Variants in CLEC2L observed in about 807,000 individuals in gnomAD.
CLEC2L encodes the protein C-type lectin domain family 2, member L.
Under a neutral mutation model 23.6 loss-of-function variants are expected in CLEC2L, and 14 were observed. The ratio of observed to expected loss-of-function variants is 0.59; its 90% CI spans 0.39 to 0.93. The LOEUF (loss-of-function observed/expected upper bound fraction) is 0.93, where lower values mean the gene tolerates loss of function less well. Among genes scored for constraint, CLEC2L ranks in the 40% least tolerant of loss-of-function variants. The pLI is 0.00. For synonymous variants in CLEC2L, 114 were observed against 121.3 expected (o/e 0.94, Z 0.40); for missense variants, 264 against 282.4 (o/e 0.93, Z 0.47).
At position 139,540,144 on chromosome 7, in the gene CLEC2L, TC is replaced by T. The variant is rs557671804; in HGVS notation, c.266-173del. On this transcript the variant is annotated intron_variant, in intron 2 of 4. Coordinates refer to ENST00000422142, the MANE Select transcript of CLEC2L (RefSeq NM_001080511.4). The surrounding 1 kb of genome is among the most constrained non-coding windows in gnomAD (Gnocchi z 5.8). Reference sequence around the variant, plus strand: ...GATGCCCCTGCCAGGCTTCCCACAGTCCCCTTTCTCATTCATTTAGTGGCCA... The same window carrying T: ...GATGCCCCTGCCAGGCTTCCCACAGTCCCTTTCTCATTCATTTAGTGGCCA... 234 of 614,272 alleles carry T rather than the reference TC, an allele frequency of 3.8e-4. No homozygotes were observed. Among genetic ancestry groups the T allele is most frequent in the Admixed American group, 1.8e-3 (61 of 33,634 alleles). 38.1% of individuals were successfully genotyped at this position (614,272 alleles called of 1,614,324 possible).
chr7:139,524,611 G>T (rs1797480164), intron 1 of CLEC2L, among the ~76,000 whole-genome samples: 1 of 152,186 alleles, frequency 6.6e-6, no homozygotes. Flanking sequence ...GAGAATCCAG[G>T]AGAGGCTCTT....
chr7:139,540,558 A>G lies in CLEC2L; in HGVS notation c.432+71A>G, dbSNP rs1165108022. 3 of 1,508,948 alleles carry G rather than the reference A, an allele frequency of 2.0e-6. No individual in the cohort carries two copies. The highest frequency in any genetic ancestry group is 2.7e-6 in the Non-Finnish European group (3 of 1,111,930). 93.5% of individuals were successfully genotyped at this position (1,508,948 alleles called of 1,614,324 possible). A position where few individuals can be genotyped will look rare whatever the true frequency, so the allele number is the denominator to read the frequency against. ...GCCCCCAACCTTGACTCTAGGGGAC[A>G]GCCACACAGTAAAGGATGCAGTGTT... On this transcript the variant is annotated intron_variant, in intron 3 of 4. Coordinates refer to ENST00000422142, the MANE Select transcript of CLEC2L (RefSeq NM_001080511.4). The surrounding 1 kb of genome is among the most constrained non-coding windows in gnomAD (Gnocchi z 5.8).
chr7:139,533,358 C>T, intron 1 of CLEC2L, among the ~76,000 whole-genome samples: 1 of 152,096 alleles, frequency 6.6e-6, no homozygotes, highest in Non-Finnish European at 1.5e-5. Context: ...GTTATTACTA[C>T]TATTATTAGT....
rs766931994 is a variant in CLEC2L, at chr7:139,544,211, GTCTTCTCTCCTGGCCACAGGT to G, written c.534-17_537del. The G allele has an allele frequency of 6.3e-7, 1 of 1,587,948 alleles. No homozygotes were observed. Among genetic ancestry groups the G allele is most frequent in the South Asian group, 1.1e-5 (1 of 88,990 alleles). On this transcript the variant is annotated splice_acceptor_variant and splice_polypyrimidine_tract_variant and coding_sequence_variant and intron_variant, in exon 5 of 5. Coordinates refer to ENST00000422142, the MANE Select transcript of CLEC2L (RefSeq NM_001080511.4). LOFTEE classifies it high-confidence loss of function. Reference sequence around the variant, plus strand: ...GAATGTTCCAGATCATAAACGCCTGGTCTTCTCTCCTGGCCACAGGTTCACCATCGCAGGTCCAGGGGAGTG... The same window carrying G: ...GAATGTTCCAGATCATAAACGCCTGGTCACCATCGCAGGTCCAGGGGAGTG...
chr7:139,524,947 TC>T (rs1455369543), intron 1 of CLEC2L, among the ~76,000 whole-genome samples: 2 of 151,914 alleles, frequency 1.3e-5, no homozygotes, highest in African/African-American at 4.8e-5. Flanking sequence ...AAGGAGGGCT[TC>T]CCAGGAGTAG....
At position 139,542,203 on chromosome 7, in the gene CLEC2L, G is replaced by C. The variant is rs537768037; in HGVS notation, c.533+82G>C. The C allele has an allele frequency of 6.6e-6, 6 of 911,132 alleles. No individual in the cohort carries two copies. The East Asian group carries it at 1.3e-4, about 20-fold the overall frequency. The allele number at this position is 911,132 out of a possible 1,614,324, so 56.4% of individuals were successfully genotyped here. A position where few individuals can be genotyped will look rare whatever the true frequency, so the allele number is the denominator to read the frequency against. On this transcript the variant is annotated intron_variant, in intron 4 of 4. Transcript: ENST00000422142. ...ACCCCCTGGACACAACTCCCGAAGA[G>C]AGAAGCCCTTGTTTTGTGCTAGCTA...
In CLEC2L at chr7:139,536,567, A is replaced by G. The variant is rs141358676; in HGVS notation, c.265+219A>G. Among the ~76,000 whole-genome samples the G allele has an allele frequency of 3.4e-3, 512 of 152,316 alleles. 4 individuals are homozygous for G. The highest frequency in any genetic ancestry group is 0.011 in the African/African-American group (475 of 41,574). On this transcript the variant is annotated intron_variant, in intron 2 of 4. Coordinates refer to ENST00000422142, the MANE Select transcript of CLEC2L (RefSeq NM_001080511.4). ...CTTCATCAAGCCATGCAAGTAGAGT[A>G]GAGATGTTACTTAGGTATTATTTTG...
intron 1 of CLEC2L, 24 bp from the exon 2 acceptor site, chr7:139,536,250 T>A: frequency 1.3e-6 from 2 of 1,547,986 alleles, no homozygotes; most frequent in South Asian, 2.4e-5. Context: ...CGGTGGGATG[T>A]TGAACCCCTC....
intron 1 of CLEC2L, among the ~76,000 whole-genome samples, chr7:139,525,957 T>C (rs1390296592): frequency 1.3e-5 from 2 of 152,178 alleles, no homozygotes; most frequent in African/African-American, 4.8e-5. Context: ...TGGTCCAGCC[T>C]TGCCTCACCA....
At chr7:139,538,443 AC>A (rs1449048048) in intron 2 of CLEC2L, among the ~76,000 whole-genome samples, 2 of 145,720 alleles carry the variant, frequency 1.4e-5, no homozygotes, top group African/African-American at 2.6e-5. Context: ...AAAAAAAAAA[AC>A]AAAAAACAAA....
chr7:139,532,519 A>G (rs893523489), intron 1 of CLEC2L, among the ~76,000 whole-genome samples: 3 of 152,218 alleles, frequency 2.0e-5, no homozygotes, highest in Non-Finnish European at 4.4e-5. Flanking sequence ...CAGGTCAGAA[A>G]GTTCCAAGGG....
intron 1 of CLEC2L, among the ~76,000 whole-genome samples, chr7:139,533,848 TATCATG>T (rs1205742894): frequency 3.9e-5 from 6 of 152,334 alleles, no homozygotes; most frequent in East Asian, 3.9e-4. Context: ...TTGGCACTTA[TATCATG>T]ATGGACAAGT....
In CLEC2L at chr7:139,544,231, G is replaced by C. The variant is rs758445064; in HGVS notation, c.534G>C (p.Thr178=). Residue 178 remains threonine, a splice_region_variant and synonymous_variant, in exon 5 of 5, where the codon ACG becomes ACC. Transcript: ENST00000422142. ...WVNGDPFDPD[T]FTIAGPGECV... ...GCCTGGTCTTCTCTCCTGGCCACAG[G>C]TTCACCATCGCAGGTCCAGGGGAGT... 6.2e-7 allele frequency: 1 copy of C among 1,611,480 alleles called. No individual in the cohort carries two copies. Among genetic ancestry groups the C allele is most frequent in the Non-Finnish European group, 8.5e-7 (1 of 1,178,368 alleles).
rs368340018 is a variant in CLEC2L at position 139,530,563 on chromosome 7, A to G, written c.191-5711A>G. ...CATGGTGGCTCACGCCTATAATCCC[A>G]GCACTTTGAGAGGCCGAGGCTGGCG... On this transcript the variant is annotated intron_variant, in intron 1 of 4. Coordinates refer to ENST00000422142, the MANE Select transcript of CLEC2L (RefSeq NM_001080511.4). Among the ~76,000 whole-genome samples the G allele has an allele frequency of 8.9e-4, 135 of 152,322 alleles. 5 individuals are homozygous for G. The South Asian group carries it at 0.026, about 30-fold the overall frequency.
rs539500218 is a variant in CLEC2L, at chr7:139,542,918, C to G, written c.533+797C>G. 1.1e-4 allele frequency among the ~76,000 whole-genome samples: 17 copies of G among 152,188 alleles called. No individual in the cohort carries two copies. In the South Asian group the frequency reaches 3.3e-3, roughly 30 times the overall value. On this transcript the variant is annotated intron_variant, in intron 4 of 4. Transcript: ENST00000422142. Reference sequence around the variant, plus strand: ...GAAGTGTGCAGAGGGAAGTGGGACCCGCAGAACAGACCCTGTGGCTGGAGG... The same window carrying G: ...GAAGTGTGCAGAGGGAAGTGGGACCGGCAGAACAGACCCTGTGGCTGGAGG...
intron 1 of CLEC2L, among the ~76,000 whole-genome samples, chr7:139,528,647 A>T (rs1797537812): frequency 6.6e-6 from 1 of 152,316 alleles, no homozygotes; most frequent in South Asian, 2.1e-4. Context: ...CATGGGAATT[A>T]TGGGAACTAT....
intron 2 of CLEC2L, among the ~76,000 whole-genome samples, chr7:139,538,053 G>A (rs193181656): frequency 7.9e-5 from 12 of 152,152 alleles, no homozygotes; most frequent in Admixed American, 2.0e-4. Flanking sequence ...ACAAAATGGC[G>A]GAAAAGTCCA....
Position 139,540,844 on chromosome 7 carries a change from A to G in CLEC2L, c.432+357A>G, listed in dbSNP as rs1330119324. On this transcript the variant is annotated intron_variant, in intron 3 of 4. Transcript: ENST00000422142. This position sits in a 1 kb window ranked among gnomAD's most constrained non-coding sequence, Gnocchi z 5.8. ...TGAGGCAGGAGGATCACTTGAGCCC[A>G]GGAGTTGGGGGCTAGTCTGGGCAAC... Among the ~76,000 whole-genome samples, 22 of 152,014 alleles carry G rather than the reference A, an allele frequency of 1.4e-4. No homozygotes were observed. The highest frequency in any genetic ancestry group is 1.4e-3 in the Admixed American group (22 of 15,266).
chr7:139,535,702 G>T (rs1475549717), intron 1 of CLEC2L, among the ~76,000 whole-genome samples: 1 of 151,684 alleles, frequency 6.6e-6, no homozygotes, highest in East Asian at 1.9e-4. Context: ...GTGTAGAGGT[G>T]GGTGAATTTT....
Sources: gnomAD v4.1 joint callset for allele counts (sites outside exome capture counted in the v4.1 genomes callset) on GRCh38, gnomAD v4.1.1 for gene constraint, Gnocchi (gnomAD v3.1) non-coding constraint, MANE v1.5 for transcripts, NCBI Gene and HGNC (gene_info 2026-07-23, HGNC 2026-07-21) for gene names.